The following IKZF3 variants were observed in gnomAD, a reference collection of about 807,000 sequenced individuals.
IKZF3 encodes zinc finger protein Aiolos.
In IKZF3, 10 loss-of-function variants were observed where a neutral mutation model predicts 49.0. The ratio of observed to expected loss-of-function variants is 0.20; its 90% confidence interval spans 0.13 to 0.35. IKZF3 has a LOEUF of 0.35. Ranked by LOEUF, IKZF3 falls within the 10% of genes least tolerant of loss-of-function variation. The pLI, the probability that IKZF3 is intolerant of heterozygous loss-of-function variation, is 1.00. For synonymous variants in IKZF3, 209 were observed against 228.2 expected (o/e 0.92, Z 0.76); for missense variants, 498 against 664.8 (o/e 0.75, Z 2.76).
rs1363848087 is a variant in IKZF3, at chr17:39,759,491, A to AT, written c.*6298dup. 1 of 152,190 alleles carries AT rather than the reference A, an allele frequency of 6.6e-6. No individual in the cohort carries two copies. The highest frequency in any genetic ancestry group is 2.4e-5 in the African/African-American group (1 of 41,442). The allele number at this position is 152,190 out of a possible 1,614,324, so 9.4% of individuals were successfully genotyped here. On this transcript the variant is annotated 3_prime_UTR_variant, in exon 8 of 8. Coordinates refer to ENST00000346872, the MANE Select transcript of IKZF3 (RefSeq NM_012481.5). ...AAACTGCAAAACCCTGTGTATCTTC[A>AT]TAACAATGGTGGGGCAAAGACTATC...
chr17:39,850,016 G>GT (rs1568061858), intron 1 of IKZF3, among the ~76,000 whole-genome samples: 14 of 133,942 alleles, frequency 1.0e-4, no homozygotes, highest in African/African-American at 3.6e-4. Context: ...TATTCCTGGG[G>GT]GTGTGTGTGT....
At chr17:39,791,294 G>T in intron 5 of IKZF3, 122 bp downstream of exon 5, 1 of 1,037,676 alleles carries the variant, frequency 9.6e-7, no homozygotes, top group Non-Finnish European at 1.4e-6. Context: ...GGTCTCTGCT[G>T]TTGTAACCCT....
chr17:39,838,969 G>A (rs1193502149), intron 1 of IKZF3, among the ~76,000 whole-genome samples: 1 of 151,914 alleles, frequency 6.6e-6, no homozygotes, highest in African/African-American at 2.4e-5. Flanking sequence ...GAGTACCTAG[G>A]ACTACAGGTG....
intron 3 of IKZF3, among the ~76,000 whole-genome samples, chr17:39,800,148 A>G (rs1201277962): frequency 6.6e-6 from 1 of 152,194 alleles, no homozygotes; most frequent in Non-Finnish European, 1.5e-5. Flanking sequence ...GTCTTTTGTA[A>G]AGTGAATAAA....
At chr17:39,795,415 AT>A (rs1255007586) in intron 3 of IKZF3, among the ~76,000 whole-genome samples, 11 of 151,944 alleles carry the variant, frequency 7.2e-5, no homozygotes, top group Admixed American at 3.3e-4. Context: ...ATTTTATTCT[AT>A]TTTATTTTTT....
At position 39,766,027 on chromosome 17, in the gene IKZF3, C is replaced by T. The variant is rs371505659; in HGVS notation, c.1293G>A (p.Pro431=). The change falls in exon 8 of 8, where the codon CCG becomes CCA. Residue 431 remains proline, a synonymous_variant. Transcript: ENST00000346872. ...VPRSYELLKP[P]PICPRDSVKV... is the part of the protein sequence containing the mutation. The stretch of plus-strand genomic sequence containing the variant: ...TGACGGAGTCTCTTGGGCAGATGGG[C>T]GGGGGCTTGAGGAGTTCGTAAGAGC... 1.5e-4 allele frequency: 238 copies of T among 1,614,002 alleles called. No individual in the cohort carries two copies. Among genetic ancestry groups the T allele is most frequent in the Non-Finnish European group, 1.4e-4 (167 of 1,180,016 alleles).
chr17:39,856,814 TA>T (rs2063074263), intron 1 of IKZF3, among the ~76,000 whole-genome samples: 1 of 151,212 alleles, frequency 6.6e-6, no homozygotes, highest in Admixed American at 6.6e-5. Context: ...CTCAAAATAA[TA>T]ATAATAATAA....
intron 1 of IKZF3, among the ~76,000 whole-genome samples, chr17:39,855,198 C>T (rs28723017): frequency 0.058 from 8,807 of 152,188 alleles, 403 homozygotes; most frequent in African/African-American, 0.12. Context: ...ACACTTGCAT[C>T]TGATCCCACA....
At chr17:39,783,819 C>G (rs559321063) in intron 6 of IKZF3, among the ~76,000 whole-genome samples, 20 of 152,224 alleles carry the variant, frequency 1.3e-4, no homozygotes, top group African/African-American at 4.3e-4. Context: ...ATCCCAGCTA[C>G]TCAGTAGGCT....
chr17:39,780,124 A>G (rs2060700699), intron 6 of IKZF3, among the ~76,000 whole-genome samples: 1 of 152,012 alleles, frequency 6.6e-6, no homozygotes, highest in Non-Finnish European at 1.5e-5. Context: ...GGGTTCCTTG[A>G]GCCCAGGGGT....
At chr17:39,831,973 A>G in intron 2 of IKZF3, 125 bp downstream of exon 2, 1 of 676,736 alleles carries the variant, frequency 1.5e-6, no homozygotes, top group Non-Finnish European at 2.5e-6. Flanking sequence ...AGACAACCAT[A>G]TTTAAAAAAA....
At chr17:39,791,234 G>T (rs2061012664) in intron 5 of IKZF3, among the ~76,000 whole-genome samples, 182 bp downstream of exon 5, 1 of 152,116 alleles carries the variant, frequency 6.6e-6, no homozygotes, top group South Asian at 2.1e-4. Context: ...TCTCCACTGA[G>T]GCAGACGGAG....
At chr17:39,836,201 T>G in intron 1 of IKZF3, 1 of 654,600 alleles carries the variant, frequency 1.5e-6, no homozygotes, top group Non-Finnish European at 2.8e-6. Context: ...TTGACCATGA[T>G]GGCTGTGATG....
At position 39,829,518 on chromosome 17, in the gene IKZF3, G is replaced by A. The variant is rs187538997; in HGVS notation, c.62-30C>T. 2.4e-4 allele frequency: 354 copies of A among 1,476,912 alleles called. 2 individuals carry two copies. The African/African-American group carries it at 4.4e-3, about 18-fold the overall frequency. The allele number at this position is 1,476,912 out of a possible 1,614,324, so 91.5% of individuals were successfully genotyped here. On this transcript the variant is annotated intron_variant, in intron 2 of 7. Coordinates refer to ENST00000346872, the MANE Select transcript of IKZF3 (RefSeq NM_012481.5). ...AAGATAAAAGGAATTTTAAGTATGT[G>A]GTTCAACGTTAAAGGATTTTTATAA...
intron 7 of IKZF3, among the ~76,000 whole-genome samples, chr17:39,773,910 A>C (rs753905989): frequency 2.8e-4 from 43 of 152,026 alleles, no homozygotes; most frequent in Non-Finnish European, 5.1e-4. Context: ...TTATTCTGAC[A>C]ATGTAAAGAT....
chr17:39,829,363 T>A, intron 3 of IKZF3, 24 bp downstream of exon 3: 5 of 1,522,964 alleles, frequency 3.3e-6, no homozygotes, highest in Non-Finnish European at 4.6e-6. Context: ...GGCATCAGTG[T>A]TTAGTCTGCA....
chr17:39,825,322 T>C (rs1443559545), intron 3 of IKZF3, among the ~76,000 whole-genome samples: 4 of 152,148 alleles, frequency 2.6e-5, no homozygotes, highest in Non-Finnish European at 5.9e-5. Flanking sequence ...AAGAAGTTTA[T>C]CACATTCACA....
chr17:39,785,273 G>A (rs1020517692), intron 6 of IKZF3, among the ~76,000 whole-genome samples: 1 of 152,128 alleles, frequency 6.6e-6, no homozygotes, highest in East Asian at 1.9e-4. Flanking sequence ...TGTGTGAACT[G>A]AGATGCAGTA....
intron 1 of IKZF3, among the ~76,000 whole-genome samples, chr17:39,848,921 G>A (rs1421782158): frequency 6.6e-6 from 1 of 152,114 alleles, no homozygotes; most frequent in East Asian, 1.9e-4. Context: ...GGCCTTGAAT[G>A]ATCCTCCCGC....
Sources: allele counts gnomAD v4.1 joint callset (sites outside exome capture counted in the v4.1 genomes callset), GRCh38; gene constraint gnomAD v4.1.1; transcripts MANE v1.5; gene names NCBI Gene and HGNC (gene_info 2026-07-23, HGNC 2026-07-21).